Variants in ESRRB observed in about 807,000 individuals in gnomAD.
ESRRB encodes the protein estrogen related receptor beta.
A neutral mutation model predicts 46.0 loss-of-function variants in ESRRB; 16 were observed. The ratio of observed to expected loss-of-function variants is 0.35; its 90% CI spans 0.24 to 0.53. The LOEUF (loss-of-function observed/expected upper bound fraction) is 0.53, where lower values mean the gene tolerates loss of function less well. Ranked by LOEUF, ESRRB falls within the 20% of genes least tolerant of loss-of-function variation. The pLI is 0.93. For synonymous variants in ESRRB, 246 were observed against 259.6 expected (o/e 0.95, Z 0.50); for missense variants, 488 against 607.4 (o/e 0.80, Z 2.07).
chr14:76,403,647 C>A (rs944138593), intron 1 of ESRRB, among the ~76,000 whole-genome samples: 1 of 152,130 alleles, frequency 6.6e-6, no homozygotes, highest in African/African-American at 2.4e-5. Flanking sequence ...CTGCACGAGG[C>A]CCCGGTGCCC....
chr14:76,439,652 A>G lies in ESRRB; in HGVS notation c.362A>G (p.Lys121Arg). 1 of 1,614,230 alleles carries G rather than the reference A, an allele frequency of 6.2e-7. No homozygotes were observed. The highest frequency in any genetic ancestry group is 8.5e-7 in the Non-Finnish European group (1 of 1,180,042). The change falls in exon 2 of 7, where the codon AAG (lysine) becomes AGG (arginine). Residue 121 changes from lysine (K) to arginine (R), a missense_variant. Transcript: ENST00000644823. ...KCEYMLNAIP[K>R]RLCLVCGDIA... The stretch of plus-strand genomic sequence containing the variant: ...GAGTACATGCTCAACGCCATCCCCA[A>G]GCGCCTGTGCCTCGTGTGCGGGGAC...
At chr14:76,486,563 T>C (rs1256588730) in intron 5 of ESRRB, among the ~76,000 whole-genome samples, 2 of 152,202 alleles carry the variant, frequency 1.3e-5, no homozygotes, top group African/African-American at 2.4e-5. Context: ...ACGTGCTTTT[T>C]TTTTTTCCCC....
chr14:76,478,738 T>C (rs1439253908), intron 3 of ESRRB, among the ~76,000 whole-genome samples: 3 of 152,106 alleles, frequency 2.0e-5, no homozygotes, highest in Non-Finnish European at 2.9e-5. Flanking sequence ...GGCCTGGGTA[T>C]AGTGAACAGA....
At chr14:76,362,934 T>C (rs576330837) in intron 1 of ESRRB, among the ~76,000 whole-genome samples, 1 of 152,332 alleles carries the variant, frequency 6.6e-6, no homozygotes, top group Admixed American at 6.5e-5. Context: ...ATGATGCTTT[T>C]GAGACCCATT....
At chr14:76,463,795 C>T (rs770218462) in intron 3 of ESRRB, among the ~76,000 whole-genome samples, 40 of 152,018 alleles carry the variant, frequency 2.6e-4, no homozygotes, top group Non-Finnish European at 4.6e-4. Context: ...TGAAATGACA[C>T]GTAGCTCTCA....
chr14:76,455,814 C>T (rs1391644137), intron 2 of ESRRB, among the ~76,000 whole-genome samples: 5 of 152,040 alleles, frequency 3.3e-5, no homozygotes, highest in East Asian at 1.9e-4. Context: ...GAAGCTGAGG[C>T]GGGTGGATCA....
At chr14:76,334,395 G>T (rs74067823) in intron 1 of ESRRB, among the ~76,000 whole-genome samples, 3,055 of 152,182 alleles carry the variant, frequency 0.02, 111 homozygotes, top group African/African-American at 0.07. Context: ...TGGGCGGAGG[G>T]CCCAGTGTAC....
At chr14:76,384,317 A>G (rs1368696694) in intron 1 of ESRRB, among the ~76,000 whole-genome samples, 1 of 152,220 alleles carries the variant, frequency 6.6e-6, no homozygotes, top group African/African-American at 2.4e-5. Context: ...TACAGTAATC[A>G]CAGCTTGTAC....
At chr14:76,426,862 C>T (rs766356505) in intron 1 of ESRRB, among the ~76,000 whole-genome samples, 3 of 151,938 alleles carry the variant, frequency 2.0e-5, no homozygotes, top group African/African-American at 7.3e-5. Context: ...GAGACCATGT[C>T]GCTACAAAAA....
At chr14:76,413,610 C>T (rs190470528) in intron 1 of ESRRB, among the ~76,000 whole-genome samples, 36 of 152,268 alleles carry the variant, frequency 2.4e-4, no homozygotes. Flanking sequence ...GTGACCCTAT[C>T]GTATTGCTTT....
At chr14:76,491,077 C>T (rs1890205674) in intron 5 of ESRRB, among the ~76,000 whole-genome samples, 1 of 152,220 alleles carries the variant, frequency 6.6e-6, no homozygotes, top group Non-Finnish European at 1.5e-5. Flanking sequence ...GCACGTACTG[C>T]TGCCTCCTGG....
At chr14:76,397,492 T>C (rs1459795289) in intron 1 of ESRRB, among the ~76,000 whole-genome samples, 1 of 152,248 alleles carries the variant, frequency 6.6e-6, no homozygotes, top group African/African-American at 2.4e-5. Context: ...GACCTTACCC[T>C]GGGAATCCCA....
At chr14:76,479,640 A>C (rs887347425) in intron 3 of ESRRB, among the ~76,000 whole-genome samples, 7 of 152,178 alleles carry the variant, frequency 4.6e-5, no homozygotes, top group Non-Finnish European at 8.8e-5. Flanking sequence ...CATACTGGCC[A>C]GGGGCTGCCT....
At chr14:76,483,615 C>T (rs926972651) in intron 5 of ESRRB, among the ~76,000 whole-genome samples, 1 of 152,160 alleles carries the variant, frequency 6.6e-6, no homozygotes, top group Non-Finnish European at 1.5e-5. Flanking sequence ...ACATTACATA[C>T]ACATTGGGGG....
upstream of ESRRB, among the ~76,000 whole-genome samples, chr14:76,367,597 A>C (rs1884538610): frequency 6.6e-6 from 1 of 151,040 alleles, no homozygotes; most frequent in South Asian, 2.1e-4. Context: ...CAGTACACAG[A>C]GTGGGAGAAA....
At chr14:76,312,664 C>G (rs914562789) in intron 1 of ESRRB, among the ~76,000 whole-genome samples, 2 of 151,756 alleles carry the variant, frequency 1.3e-5, no homozygotes, top group Non-Finnish European at 2.9e-5. Context: ...ATTATTCTTC[C>G]TATTATGAGG....
chr14:76,422,299 C>T (rs1886998535), intron 1 of ESRRB, among the ~76,000 whole-genome samples: 1 of 151,102 alleles, frequency 6.6e-6, no homozygotes, highest in African/African-American at 2.4e-5. Context: ...CAACCTCCGC[C>T]TCCCGGGTTC....
chr14:76,403,440 C>T (rs531583435), intron 1 of ESRRB, among the ~76,000 whole-genome samples: 3 of 152,082 alleles, frequency 2.0e-5, no homozygotes, highest in East Asian at 3.9e-4. Flanking sequence ...TGATAGGATG[C>T]CTTTTGATGG....
At position 76,434,533 on chromosome 14, in the gene ESRRB, G is replaced by A. The variant is rs541202961; in HGVS notation, c.51-4808G>A. 2.6e-4 allele frequency among the ~76,000 whole-genome samples: 39 copies of A among 151,878 alleles called. 1 individual carries two copies. Among genetic ancestry groups the A allele is most frequent in the Admixed American group, 1.5e-3 (23 of 15,268 alleles). ...AAATTAGCCAGGCGTGGAGTCACGC[G>A]CCTGTAATCCCAGCCTCTCGGGAGG... On this transcript the variant is annotated intron_variant, in intron 1 of 6. Coordinates refer to ENST00000644823, the MANE Select transcript of ESRRB (RefSeq NM_001379180.1).
Sources: gnomAD v4.1 joint callset for allele counts (sites outside exome capture counted in the v4.1 genomes callset) on GRCh38, gnomAD v4.1.1 for gene constraint, MANE v1.5 for transcripts, NCBI Gene and HGNC (gene_info 2026-07-23, HGNC 2026-07-21) for gene names.